Variants in CDH2 observed in about 807,000 individuals in gnomAD.
CDH2 encodes the protein cadherin 2.
Under a neutral mutation model 92.0 loss-of-function variants are expected in CDH2, and 17 were observed. That is an observed-to-expected ratio of 0.18 (90% CI 0.13 to 0.28). The LOEUF is 0.28. CDH2 is among the 10% of genes least tolerant of loss of function. CDH2 has a pLI of 1.00. For synonymous variants in CDH2, 419 were observed against 415.9 expected, an observed-to-expected ratio of 1.01 and a Z score of -0.09; for missense variants, 862 against 1,133.1, an observed-to-expected ratio of 0.76 and a Z score of 3.44.
At chr18:27,996,586 G>A (rs946242602) in intron 7 of CDH2, among the ~76,000 whole-genome samples, 1 of 152,086 alleles carries the variant, frequency 6.6e-6, no homozygotes. Context: ...CCCCATCACT[G>A]TTTATAGTTT....
chr18:28,140,764 T>C (rs1375075869), intron 2 of CDH2, among the ~76,000 whole-genome samples: 1 of 151,292 alleles, frequency 6.6e-6, no homozygotes, highest in African/African-American at 2.4e-5. Flanking sequence ...AGAAAATATT[T>C]GTAAATCATA....
intron 2 of CDH2, among the ~76,000 whole-genome samples, chr18:28,114,274 A>G (rs537204338): frequency 1.3e-5 from 2 of 152,188 alleles, no homozygotes; most frequent in Non-Finnish European, 2.9e-5. Context: ...TCTGATCAAT[A>G]TACATTATAT....
intron 2 of CDH2, among the ~76,000 whole-genome samples, chr18:28,136,005 G>T (rs2015856101): frequency 6.6e-6 from 1 of 152,194 alleles, no homozygotes. Flanking sequence ...TCTGTTGAAT[G>T]AATGTACAGA....
At chr18:28,098,342 T>C (rs1252535859) in intron 2 of CDH2, among the ~76,000 whole-genome samples, 2 of 63,432 alleles carry the variant, frequency 3.2e-5, no homozygotes, top group Non-Finnish European at 7.0e-5. Context: ...GTAGTTATGA[T>C]CCATAAAGTT....
At chr18:28,161,833 G>T (rs1339690092) in intron 1 of CDH2, among the ~76,000 whole-genome samples, 1 of 151,976 alleles carries the variant, frequency 6.6e-6, no homozygotes, top group East Asian at 1.9e-4. Context: ...TTGACCTTTG[G>T]CCAACTTAGA....
chr18:27,998,553 A>G (rs544002537), intron 7 of CDH2, among the ~76,000 whole-genome samples: 2 of 152,178 alleles, frequency 1.3e-5, no homozygotes, highest in Non-Finnish European at 2.9e-5. Flanking sequence ...GCACAGGTCA[A>G]GCGGGGGAAG....
At chr18:28,081,012 T>A (rs1474207480) in intron 2 of CDH2, among the ~76,000 whole-genome samples, 1 of 152,172 alleles carries the variant, frequency 6.6e-6, no homozygotes. Context: ...AGCTATGGGA[T>A]CAAGAGTAAA....
intron 2 of CDH2, among the ~76,000 whole-genome samples, chr18:28,040,646 G>A (rs2013930799): frequency 6.6e-6 from 1 of 152,116 alleles, no homozygotes; most frequent in Non-Finnish European, 1.5e-5. Context: ...AGTAGATGCT[G>A]AAAAAACACA....
chr18:28,157,197 G>A (rs1173162708), intron 1 of CDH2, among the ~76,000 whole-genome samples: 1 of 152,148 alleles, frequency 6.6e-6, no homozygotes, highest in African/African-American at 2.4e-5. Flanking sequence ...GGCTCAGATT[G>A]ATTCTGTCCC....
intron 4 of CDH2, among the ~76,000 whole-genome samples, chr18:28,011,143 A>C (rs1420228270): frequency 6.6e-6 from 1 of 152,242 alleles, no homozygotes; most frequent in South Asian, 2.1e-4. Context: ...ATGCTAAAAT[A>C]ATCATATACA....
chr18:28,046,539 T>A (rs1415988015), intron 2 of CDH2, among the ~76,000 whole-genome samples: 1 of 152,022 alleles, frequency 6.6e-6, no homozygotes, highest in African/African-American at 2.4e-5. Flanking sequence ...TAGAGAAAAA[T>A]CATATATTAC....
At chr18:27,949,901 C>A (rs1909370048), downstream of CDH2, among the ~76,000 whole-genome samples, 1 of 151,662 alleles carries the variant, frequency 6.6e-6, no homozygotes, top group African/African-American at 2.4e-5. Flanking sequence ...CTAGATATGG[C>A]CTGTGAATTG....
At chr18:27,959,838 C>T (rs1483395157) in intron 15 of CDH2, among the ~76,000 whole-genome samples, 1 of 152,024 alleles carries the variant, frequency 6.6e-6, no homozygotes, top group African/African-American at 2.4e-5. Flanking sequence ...ATTTCTCTAT[C>T]TTGTAATTAT....
intron 2 of CDH2, among the ~76,000 whole-genome samples, chr18:28,106,423 GAA>G (rs58554434): frequency 2.5e-5 from 3 of 119,428 alleles, no homozygotes; most frequent in African/African-American, 6.3e-5. Flanking sequence ...TTTCAAGAAA[GAA>G]AAAAAAAAAA....
intron 2 of CDH2, among the ~76,000 whole-genome samples, chr18:28,127,743 C>T (rs1218794826): frequency 2.0e-5 from 3 of 152,050 alleles, no homozygotes; most frequent in African/African-American, 4.8e-5. Context: ...TATTTCAAGA[C>T]GAATTCAAAT....
At position 28,011,846 on chromosome 18, in the gene CDH2, C is replaced by T. The variant is rs201798295; in HGVS notation, c.546G>A (p.Arg182=). The stretch of plus-strand genomic sequence containing the variant: ...AACAGTTAAAATTGTGCCACCTTAC[C>T]CTGACAAGCTCTTGAGGAAAAGGTC... The part of the protein sequence containing the change: ...SRGPFPQELV[R]IRSDRDKNLS... Residue 182 remains arginine, a splice_region_variant and synonymous_variant, in exon 4 of 16, where the codon AGG becomes AGA. Coordinates refer to ENST00000269141, the MANE Select transcript of CDH2 (RefSeq NM_001792.5). 2 of 1,613,622 alleles carry T rather than the reference C, an allele frequency of 1.2e-6. No individual in the cohort carries two copies. Among genetic ancestry groups the T allele is most frequent in the East Asian group, 2.2e-5 (1 of 44,852 alleles).
At position 27,951,979 on chromosome 18, in the gene CDH2, A is replaced by C; in HGVS notation, c.*174T>G. 3.3e-6 allele frequency: 2 copies of C among 610,426 alleles called. No individual in the cohort carries two copies. The allele number at this position is 610,426 out of a possible 1,614,324, so 37.8% of individuals were successfully genotyped here. The stretch of plus-strand genomic sequence containing the variant: ...AACTGAGCTCAGTGTTTTTCCAAAC[A>C]GTATGGATCACTGATATTCCCTCTG... On this transcript the variant is annotated 3_prime_UTR_variant, in exon 16 of 16. Coordinates refer to ENST00000269141, the MANE Select transcript of CDH2 (RefSeq NM_001792.5).
chr18:27,934,964 A>G (rs1471444699), intron 6 of CDH2, among the ~76,000 whole-genome samples: 1 of 152,136 alleles, frequency 6.6e-6, no homozygotes, highest in Admixed American at 6.5e-5. Context: ...AACTGCCCCA[A>G]CTTCCAGCAA....
chr18:28,146,156 T>C (rs1399401290), intron 2 of CDH2: 1 of 152,148 alleles, frequency 6.6e-6, no homozygotes, highest in East Asian at 1.9e-4. Flanking sequence ...ATGTGTTTAC[T>C]TTAAACAACA....
Sources: allele counts gnomAD v4.1 joint callset (sites outside exome capture counted in the v4.1 genomes callset), GRCh38; gene constraint gnomAD v4.1.1; transcripts MANE v1.5; gene names NCBI Gene and HGNC (gene_info 2026-07-23, HGNC 2026-07-21).